ALG13: variants seen among roughly 807,000 people sequenced by gnomAD.
ALG13 encodes UDP-N-acetylglucosamine transferase subunit ALG13.
In ALG13, 11 loss-of-function variants were observed where a neutral mutation model predicts 87.8. The ratio of observed to expected loss-of-function variants is 0.13; its 90% CI spans 0.08 to 0.21. The LOEUF (loss-of-function observed/expected upper bound fraction) is 0.21. ALG13 is among the 10% of genes least tolerant of loss of function. The probability of loss-of-function intolerance (pLI) is 1.00; values close to 1 mark genes in which losing one functional copy is unlikely to be tolerated. For missense variants in ALG13, 756 were observed against 866.1 expected, an observed-to-expected ratio of 0.87 and a Z score of 1.60; for synonymous variants, 320 against 306.3, an observed-to-expected ratio of 1.04 and a Z score of -0.47.
rs1432593214 is a variant in ALG13 at position 111,702,376 on chromosome X, TA to T, written c.384-5650del. Reference sequence around the variant, plus strand: ...TGAGATTCATTTTCAATGTTGACATTATTATGACTGCTTAACTACGGTATTA... The same window carrying T: ...TGAGATTCATTTTCAATGTTGACATTTTATGACTGCTTAACTACGGTATTA... On this transcript the variant is annotated intron_variant, in intron 3 of 26. Transcript: ENST00000394780. 3.6e-5 allele frequency among the ~76,000 whole-genome samples: 4 copies of T among 111,945 alleles called. No individual in the cohort carries two copies. The East Asian group carries it at 1.1e-3, about 31-fold the overall frequency.
Position 111,744,799 on chromosome X carries a change from C to T in ALG13, c.2827C>T (p.Pro943Ser). The change falls in exon 24 of 27, where the codon CCT becomes TCT. Residue 943 changes from proline to serine, a missense_variant. By Grantham distance (74) the Pro-to-Ser change is moderately conservative (BLOSUM62 -1). Around this residue, in one of 9 missense-constraint regions of ALG13, gnomAD observed 362 missense variants for 383.5 expected, o/e 0.94. Coordinates refer to ENST00000394780, the MANE Select transcript of ALG13 (RefSeq NM_001099922.3). ...PPPPPPPPPP[P>S]PPALDVGETS... The stretch of plus-strand genomic sequence containing the variant: ...TCCTCCTCCTCCTCCTCCTCCTCCT[C>T]CTCCTCCTGCTCTTGATGTGGGAGA... 1.8e-6 allele frequency: 2 copies of T among 1,139,457 alleles called. No homozygotes were observed. The highest frequency in any genetic ancestry group is 1.2e-6 in the Non-Finnish European group (1 of 855,383). The allele number at this position is 1,139,457 out of a possible 1,213,427, so 93.9% of individuals were successfully genotyped here.
At chrX:111,700,866 C>T (rs985813420) in intron 3 of ALG13, among the ~76,000 whole-genome samples, 1 of 107,511 alleles carries the variant, frequency 9.3e-6, no homozygotes, top group Admixed American at 1.0e-4. Context: ...GCTGGGATTA[C>T]AGGTGTGAGC....
At chrX:111,731,455 G>C (rs774364726) in intron 21 of ALG13, among the ~76,000 whole-genome samples, 47 of 111,878 alleles carry the variant, frequency 4.2e-4, no homozygotes, top group African/African-American at 1.5e-3. Flanking sequence ...CATACTCATG[G>C]GACTCTTCCC....
intron 15 of ALG13, among the ~76,000 whole-genome samples, chrX:111,725,822 G>T (rs1382306989): frequency 8.9e-6 from 1 of 112,103 alleles, no homozygotes; most frequent in African/African-American, 3.2e-5. Flanking sequence ...GACCTGAGGG[G>T]GAAAAATATT....
intron 10 of ALG13, 136 bp from the exon 11 acceptor site, chrX:111,719,959 T>C: frequency 2.3e-6 from 1 of 429,983 alleles, no homozygotes; most frequent in East Asian, 3.8e-5. Context: ...TAAATGCAAA[T>C]GTTGGAATGA....
intron 10 of ALG13, among the ~76,000 whole-genome samples, chrX:111,719,519 A>G (rs1941137013): frequency 8.9e-6 from 1 of 112,521 alleles, no homozygotes; most frequent in Non-Finnish European, 1.9e-5. Flanking sequence ...AGCTTAAAAC[A>G]GCACATTTTT....
At chrX:111,710,766 G>A (rs924614584) in intron 5 of ALG13, among the ~76,000 whole-genome samples, 19 of 111,795 alleles carry the variant, frequency 1.7e-4, no homozygotes, top group African/African-American at 5.8e-4. Flanking sequence ...GCACGATCTC[G>A]GCTCACTGTA....
intron 3 of ALG13, among the ~76,000 whole-genome samples, chrX:111,706,397 C>T (rs1938772371): frequency 8.9e-6 from 1 of 112,586 alleles, no homozygotes; most frequent in Non-Finnish European, 1.9e-5. Flanking sequence ...AATCTCTCTT[C>T]CCAAACTGTG....
chrX:111,694,341 G>A (rs1157213347), intron 3 of ALG13, among the ~76,000 whole-genome samples: 1 of 111,582 alleles, frequency 9.0e-6, no homozygotes, highest in Non-Finnish European at 1.9e-5. Context: ...CACCACTCCC[G>A]GCCAGTAATT....
intron 3 of ALG13, among the ~76,000 whole-genome samples, chrX:111,706,157 G>A (rs1938722999): frequency 9.1e-6 from 1 of 109,877 alleles, no homozygotes; most frequent in South Asian, 3.9e-4. Context: ...AGCCTCCCAA[G>A]TAGCTGGGAC....
intron 3 of ALG13, among the ~76,000 whole-genome samples, chrX:111,700,200 C>T (rs768791791): frequency 2.7e-5 from 3 of 110,831 alleles, no homozygotes; most frequent in Non-Finnish European, 5.7e-5. Context: ...TGTAGAAACA[C>T]TACTGATTTT....
Position 111,690,414 on chromosome X carries a change from T to C in ALG13, c.383+5311T>C, listed in dbSNP as rs1935924022. The C allele has an allele frequency of 5.4e-6, 4 of 746,339 alleles. No homozygotes were observed. In the South Asian group the frequency reaches 2.8e-4, roughly 51 times the overall value. 61.5% of individuals were successfully genotyped at this position (746,339 alleles called of 1,213,427 possible). The stretch of plus-strand genomic sequence containing the variant: ...TTGGAGTAGATGAAAAGAGATGTGA[T>C]GTTTTGGGATGACCTTGGGAATTAA... On this transcript the variant is annotated intron_variant, in intron 3 of 26. Transcript: ENST00000394780.
At position 111,711,686 on chromosome X, in the gene ALG13, A is replaced by T; in HGVS notation, c.846A>T (p.Gly282=). ...NQQTFESYVE[G]SFEKYLERLG... The stretch of plus-strand genomic sequence containing the variant: ...TTTTATTTTTGAAGTATGTGGAGGG[A>T]TCTTTTGAGAAATACCTGGAACGGT... The change falls in exon 6 of 27, where the codon GGA becomes GGT. Residue 282 remains glycine (G), a synonymous_variant. Transcript: ENST00000394780. 2 of 1,208,385 alleles carry T rather than the reference A, an allele frequency of 1.7e-6. No homozygotes were observed. Among genetic ancestry groups the T allele is most frequent in the Non-Finnish European group, 2.2e-6 (2 of 893,495 alleles).
intron 26 of ALG13, among the ~76,000 whole-genome samples, chrX:111,758,551 G>A (rs895260839): frequency 3.6e-5 from 4 of 112,393 alleles, no homozygotes; most frequent in Non-Finnish European, 7.5e-5. Context: ...TTCTTAAATT[G>A]TATGAGGAAA....
rs10674188 is a variant in ALG13 at position 111,681,980 on chromosome X, A to ATACTT, written c.82-150_82-149insCTTTA. On this transcript the variant is annotated intron_variant, in intron 1 of 26. Transcript: ENST00000394780. Reference sequence around the variant, plus strand: ...TCCTCGTCGGGCCCCGGACCAGAAAATAGTTTTGAAAACTAAGTGAAATCG... The same window carrying ATACTT: ...TCCTCGTCGGGCCCCGGACCAGAAAATACTTTAGTTTTGAAAACTAAGTGAAATCG... The ATACTT allele has an allele frequency of 0.055, 48,023 of 870,017 alleles. 13,013 individuals carry two copies. In the African/African-American group the frequency reaches 0.84, roughly 15 times the overall value. 71.7% of individuals were successfully genotyped at this position (870,017 alleles called of 1,213,427 possible).
chrX:111,749,101 A>G (rs1389365490), intron 24 of ALG13, among the ~76,000 whole-genome samples: 2 of 111,303 alleles, frequency 1.8e-5, no homozygotes, highest in Non-Finnish European at 3.8e-5. Context: ...AAAAAACAAA[A>G]AAAACAACAA....
intron 3 of ALG13, chrX:111,690,373 A>G: frequency 2.7e-6 from 2 of 753,850 alleles, no homozygotes; most frequent in Non-Finnish European, 3.1e-6. Context: ...TAGACAGTTA[A>G]TAGAACATTT....
intron 1 of ALG13, chrX:111,681,508 C>G (rs1322867823): frequency 9.8e-7 from 1 of 1,018,074 alleles, no homozygotes; most frequent in African/African-American, 1.9e-5. Flanking sequence ...TGCCTGTTTC[C>G]TCTTCCCATT....
At position 111,681,375 on chromosome X, in the gene ALG13, C is replaced by G. The variant is rs962065710; in HGVS notation, c.81+76C>G. 631 of 1,190,453 alleles carry G rather than the reference C, an allele frequency of 5.3e-4. 1 individual carries two copies. The highest frequency in any genetic ancestry group is 6.7e-4 in the Non-Finnish European group (595 of 886,231). On this transcript the variant is annotated intron_variant, in intron 1 of 26. Transcript: ENST00000394780. ...CCGGCCATACTGCCAGCCGCGTTAG[C>G]CTTGCCTGACCGTCGCGCTCGGAAA... is the stretch of plus-strand genomic sequence containing the variant.
Sources: gnomAD v4.1 joint callset for allele counts (sites outside exome capture counted in the v4.1 genomes callset) on GRCh38, gnomAD v4.1.1 for gene constraint, gnomAD v4.1.1 regional missense constraint, MANE v1.5 for transcripts, NCBI Gene and HGNC (gene_info 2026-07-23, HGNC 2026-07-21) for gene names.